PDLIM7: variants seen among roughly 807,000 people sequenced by gnomAD.
PDLIM7 encodes the protein PDZ and LIM domain 7, also known as PDZ and LIM domain protein 7.
PDLIM7 carries 37 observed loss-of-function variants against 53.9 expected under a neutral mutation model. The ratio of observed to expected loss-of-function variants is 0.69; its 90% CI spans 0.53 to 0.90. The LOEUF is 0.90. PDLIM7 is among the 40% of genes least tolerant of loss of function. PDLIM7 has a pLI of 0.00. For synonymous variants in PDLIM7, 300 were observed against 261.3 expected (o/e 1.15, Z -1.43); for missense variants, 617 against 638.5 (o/e 0.97, Z 0.36).
At position 177,495,339 on chromosome 5, in the gene PDLIM7, C is replaced by T. The variant is rs578080575; in HGVS notation, c.96+1078G>A. 6.6e-5 allele frequency among the ~76,000 whole-genome samples: 10 copies of T among 152,314 alleles called. No individual in the cohort carries two copies. In the South Asian group the frequency reaches 1.2e-3, roughly 19 times the overall value. On this transcript the variant is annotated intron_variant, in intron 2 of 12. Coordinates refer to ENST00000355841, the MANE Select transcript of PDLIM7 (RefSeq NM_005451.5). ...CCAGCTTGAGCCCCTCCTCAGGCCA[C>T]GACCCTCTGGGCCCCTCCAGGCTGG...
At chr5:177,489,341 G>C in intron 9 of PDLIM7, 52 bp downstream of exon 9, 1 of 1,353,750 alleles carries the variant, frequency 7.4e-7, no homozygotes, top group Non-Finnish European at 1.0e-6. Context: ...AGACAGGTGG[G>C]GCTGGGCTGC....
chr5:177,490,333 G>T, intron 7 of PDLIM7: 4 of 1,449,682 alleles, frequency 2.8e-6, no homozygotes, highest in Non-Finnish European at 3.6e-6. Context: ...GGCAGTGTCA[G>T]ATGAACCCAG....
At chr5:177,484,252 G>C in intron 10 of PDLIM7, 62 bp from the exon 11 acceptor site, 1 of 1,594,486 alleles carries the variant, frequency 6.3e-7, no homozygotes, top group Non-Finnish European at 8.5e-7. Flanking sequence ...CTGGGTCACG[G>C]GAACACAGGA....
chr5:177,486,925 C>A (rs1758488523), intron 10 of PDLIM7, among the ~76,000 whole-genome samples: 1 of 137,758 alleles, frequency 7.3e-6, no homozygotes, highest in African/African-American at 2.8e-5. Context: ...GCCACCGTGC[C>A]TGGCCCTTTT....
chr5:177,487,887 TG>T, intron 10 of PDLIM7, 180 bp downstream of exon 10: 1 of 504,622 alleles, frequency 2.0e-6, no homozygotes, highest in Non-Finnish European at 3.3e-6. Context: ...AGCAGGAACA[TG>T]GTCATTTGTT....
At chr5:177,492,887 CTTAT>C (rs1758878493) in intron 2 of PDLIM7, 3 of 535,314 alleles carry the variant, frequency 5.6e-6, no homozygotes, top group Non-Finnish European at 6.9e-6. Context: ...AGTCACACTG[CTTAT>C]TTATTCACTG....
rs774710389 is a variant in PDLIM7 at position 177,491,072 on chromosome 5, C to T, written c.473G>A (p.Arg158Gln). 21 of 1,610,990 alleles carry T rather than the reference C, an allele frequency of 1.3e-5. No individual in the cohort carries two copies. The highest frequency in any genetic ancestry group is 5.3e-5 in the African/African-American group (4 of 74,886). ...LMENTEDWRPRPGTGQSRSFR... is the reference protein window; with the variant it reads ...LMENTEDWRPQPGTGQSRSFR... ...GGAACGCGACTGGCCTGTCCCCGGC[C>T]GCGGCCGCCAGTCCTCTGTGTTCTC... The change falls in exon 6 of 13, where the codon CGG (arginine) becomes CAG (glutamine). Residue 158 changes from arginine to glutamine, a missense_variant. Arg to Gln is a conservative substitution (Grantham distance 43). Coordinates refer to ENST00000355841, the MANE Select transcript of PDLIM7 (RefSeq NM_005451.5).
At chr5:177,490,491 G>A (rs140502005) in intron 7 of PDLIM7, 13 of 1,552,528 alleles carry the variant, frequency 8.4e-6, no homozygotes, top group Admixed American at 3.9e-5. Context: ...GCTGGAGAGG[G>A]CCGGGCTACG....
intron 10 of PDLIM7, chr5:177,484,485 GCCAAACACAC>G (rs1455204873): frequency 2.7e-6 from 1 of 372,476 alleles, no homozygotes; most frequent in East Asian, 5.8e-5. Context: ...GTCTGCTGCA[GCCAAACACAC>G]CCTCCTCTCA....
rs780598212 is a variant in PDLIM7, at chr5:177,488,075, ATCT to A, written c.1040_1042del (p.Lys347del). The A allele has an allele frequency of 3.1e-6, 5 of 1,597,138 alleles. No individual in the cohort carries two copies. Among genetic ancestry groups the A allele is most frequent in the East Asian group, 2.3e-5 (1 of 44,416 alleles). ...CCAGCCAGCCCTACTCACGCCTGTAATCTTCTTCTTGCACTTGGCACAGCTGGG... is the reference window on the plus strand; with the variant it reads ...CCAGCCAGCCCTACTCACGCCTGTAATCTTCTTGCACTTGGCACAGCTGGG... On this transcript the variant is annotated inframe_deletion, in exon 10 of 13. Coordinates refer to ENST00000355841, the MANE Select transcript of PDLIM7 (RefSeq NM_005451.5).
Position 177,483,439 on chromosome 5 carries a change from C to T in PDLIM7, c.*205G>A. 1 of 532,514 alleles carries T rather than the reference C, an allele frequency of 1.9e-6. No homozygotes were observed. The highest frequency in any genetic ancestry group is 3.3e-6 in the Non-Finnish European group (1 of 300,820). The allele number at this position is 532,514 out of a possible 1,614,324, so 33.0% of individuals were successfully genotyped here. On this transcript the variant is annotated 3_prime_UTR_variant, in exon 13 of 13. Coordinates refer to ENST00000355841, the MANE Select transcript of PDLIM7 (RefSeq NM_005451.5). ...TTGTGGCACTGGAGGTGAAAGGGGG[C>T]TGGTGTGGCCAGCACCGGTGTGCTG... is the stretch of plus-strand genomic sequence containing the variant.
intron 7 of PDLIM7, chr5:177,490,290 G>A (rs932965873): frequency 1.4e-6 from 2 of 1,443,092 alleles, no homozygotes; most frequent in African/African-American, 1.4e-5. Context: ...GCACAGACCT[G>A]GCAGACAGCA....
intron 9 of PDLIM7, 108 bp downstream of exon 9, chr5:177,489,285 T>G: frequency 2.3e-6 from 2 of 870,462 alleles, no homozygotes; most frequent in Non-Finnish European, 3.5e-6. Flanking sequence ...AGCTGAGAAC[T>G]GAATCCTTAT....
chr5:177,491,645 G>C (rs1373963284), intron 5 of PDLIM7, 162 bp downstream of exon 5: 1 of 620,410 alleles, frequency 1.6e-6, no homozygotes, highest in African/African-American at 1.9e-5. Flanking sequence ...CCACAGCCTC[G>C]GGAGGGGCCC....
chr5:177,496,508 T>A lies in PDLIM7; in HGVS notation c.5A>T (p.Asp2Val), dbSNP rs752293565. The change falls in exon 2 of 13, where the codon GAT (aspartate) becomes GTT (valine). Residue 2 changes from aspartate to valine, a missense_variant. Asp to Val is a radical substitution (Grantham distance 152). Coordinates refer to ENST00000355841, the MANE Select transcript of PDLIM7 (RefSeq NM_005451.5). M[D>V]SFKVVLEGPA... is the part of the protein sequence containing the mutation. The stretch of plus-strand genomic sequence containing the variant: ...CCCCTCCAGCACTACTTTGAAGGAA[T>A]CCATGATGCCGGCTCCTGAGAGGAG... The A allele has an allele frequency of 6.3e-7, 1 of 1,589,918 alleles. No homozygotes were observed. The highest frequency in any genetic ancestry group is 8.6e-7 in the Non-Finnish European group (1 of 1,168,144).
chr5:177,495,327 C>T (rs1192495670), intron 2 of PDLIM7, among the ~76,000 whole-genome samples: 1 of 152,190 alleles, frequency 6.6e-6, no homozygotes, highest in Admixed American at 6.5e-5. Context: ...GCTTGAGCCC[C>T]TCCTCAGGCC....
In PDLIM7 at chr5:177,492,388, C is replaced by T. The variant is rs1330028896; in HGVS notation, c.279+17G>A. 1 of 1,612,542 alleles carries T rather than the reference C, an allele frequency of 6.2e-7. No individual in the cohort carries two copies. Among genetic ancestry groups the T allele is most frequent in the South Asian group, 1.1e-5 (1 of 90,884 alleles). The stretch of plus-strand genomic sequence containing the variant: ...CCCACACCGCCCACCGCCCGGATGT[C>T]CCGGCCAGCCTCGTACCTTCTGCGG... On this transcript the variant is annotated intron_variant, in intron 4 of 12. Coordinates refer to ENST00000355841, the MANE Select transcript of PDLIM7 (RefSeq NM_005451.5).
chr5:177,488,857 G>A (rs927649913), intron 9 of PDLIM7, among the ~76,000 whole-genome samples: 3 of 151,146 alleles, frequency 2.0e-5, no homozygotes, highest in Non-Finnish European at 4.4e-5. Flanking sequence ...GCCACTGCAC[G>A]CCAACGTGGG....
At chr5:177,494,439 G>A (rs1758963045) in intron 2 of PDLIM7, among the ~76,000 whole-genome samples, 1 of 152,206 alleles carries the variant, frequency 6.6e-6, no homozygotes, top group Non-Finnish European at 1.5e-5. Context: ...TCAAGGTCAT[G>A]GTGAGTCAGT....
Sources: allele counts gnomAD v4.1 joint callset (sites outside exome capture counted in the v4.1 genomes callset), GRCh38; gene constraint gnomAD v4.1.1; transcripts MANE v1.5; gene names NCBI Gene and HGNC (gene_info 2026-07-23, HGNC 2026-07-21).